The following NFIA variants were observed in gnomAD, a reference collection of about 807,000 sequenced individuals.
NFIA encodes nuclear factor I A.
In NFIA, 8 loss-of-function variants were observed where a neutral mutation model predicts 62.8. The ratio of observed to expected loss-of-function variants is 0.13; its 90% CI spans 0.07 to 0.23. The LOEUF (loss-of-function observed/expected upper bound fraction) is 0.23, where lower values mean the gene tolerates loss of function less well. NFIA is among the 10% of genes least tolerant of loss of function. The probability of loss-of-function intolerance (pLI) is 1.00; values close to 1 mark genes in which losing one functional copy is unlikely to be tolerated. For missense variants in NFIA, 410 were observed against 642.1 expected, an observed-to-expected ratio of 0.64 and a Z score of 3.91; for synonymous variants, 235 against 238.1, an observed-to-expected ratio of 0.99 and a Z score of 0.12.
intron 2 of NFIA, among the ~76,000 whole-genome samples, chr1:61,241,251 A>G (rs1655331654): frequency 6.6e-6 from 1 of 152,012 alleles, no homozygotes. Flanking sequence ...TTCTTTCCTT[A>G]TACCTTCCAC....
chr1:61,327,224 T>C (rs1660993856), intron 3 of NFIA, among the ~76,000 whole-genome samples: 2 of 151,098 alleles, frequency 1.3e-5, no homozygotes, highest in South Asian at 4.2e-4. Flanking sequence ...GTCAAAGTTT[T>C]ACAGTATATA....
chr1:61,167,170 T>G (rs1356231435), intron 2 of NFIA, among the ~76,000 whole-genome samples: 1 of 152,132 alleles, frequency 6.6e-6, no homozygotes, highest in African/African-American at 2.4e-5. Context: ...TATTTTCCCA[T>G]AAGACATTTC....
intron 2 of NFIA, among the ~76,000 whole-genome samples, chr1:61,214,312 C>T (rs1210299768): frequency 6.7e-6 from 1 of 148,644 alleles, no homozygotes; most frequent in Non-Finnish European, 1.5e-5. Context: ...AGTGGAGCTC[C>T]AGCCTCAGTC....
In NFIA at chr1:61,366,249, C is replaced by G. The variant is rs1054731017; in HGVS notation, c.946+6975C>G. Among the ~76,000 whole-genome samples the G allele has an allele frequency of 2.6e-5, 4 of 152,078 alleles. No individual in the cohort carries two copies. In the East Asian group the frequency reaches 7.7e-4, roughly 29 times the overall value. ...ACCACTTTCAGATTTGAGACCGCAT[C>G]TGCATTAAGTACAGACATATCAGTA... On this transcript the variant is annotated intron_variant, in intron 6 of 10. Coordinates refer to ENST00000403491, the MANE Select transcript of NFIA (RefSeq NM_001134673.4).
chr1:61,216,960 A>G (rs1396953894), intron 2 of NFIA, among the ~76,000 whole-genome samples: 1 of 151,762 alleles, frequency 6.6e-6, no homozygotes, highest in Non-Finnish European at 1.5e-5. Flanking sequence ...AGATCACGCC[A>G]TTGCACTCCA....
upstream of NFIA, among the ~76,000 whole-genome samples, chr1:61,081,205 GT>G: frequency 6.6e-6 from 1 of 152,000 alleles, no homozygotes; most frequent in Middle Eastern, 3.4e-3. Flanking sequence ...GAAGAGGCAG[GT>G]AGGCTTTCCC....
chr1:61,315,725 T>C (rs1029012332), intron 3 of NFIA, among the ~76,000 whole-genome samples: 8 of 152,204 alleles, frequency 5.3e-5, no homozygotes, highest in African/African-American at 1.9e-4. Flanking sequence ...TGTTGTTGCT[T>C]AATTTTGTTT....
intron 7 of NFIA, among the ~76,000 whole-genome samples, chr1:61,387,204 G>A (rs1282045433): frequency 6.6e-6 from 1 of 151,964 alleles, no homozygotes; most frequent in Non-Finnish European, 1.5e-5. Flanking sequence ...TCCACTACTT[G>A]GCACATTGCT....
intron 2 of NFIA, among the ~76,000 whole-genome samples, chr1:61,205,213 C>T (rs1336167592): frequency 1.3e-5 from 2 of 152,098 alleles, no homozygotes; most frequent in East Asian, 1.9e-4. Flanking sequence ...CGTTTTGAAC[C>T]GAGGTTGTCT....
At chr1:61,406,888 A>G (rs1046397144) in intron 9 of NFIA, among the ~76,000 whole-genome samples, 161 bp downstream of exon 9, 1 of 151,942 alleles carries the variant, frequency 6.6e-6, no homozygotes, top group Non-Finnish European at 1.5e-5. Context: ...AGTGAACATG[A>G]CTCTTGGGTA....
intron 6 of NFIA, among the ~76,000 whole-genome samples, chr1:61,382,626 A>G (rs755692221): frequency 8.5e-5 from 13 of 152,152 alleles, no homozygotes; most frequent in Non-Finnish European, 1.8e-4. Flanking sequence ...TTGCCACATC[A>G]TTACTCTTTT....
intron 7 of NFIA, among the ~76,000 whole-genome samples, chr1:61,398,882 A>G (rs563718589): frequency 2.8e-4 from 42 of 152,328 alleles, no homozygotes; most frequent in Non-Finnish European, 5.4e-4. Context: ...ATGGTGTTAT[A>G]TAGTGTGGTT....
intron 7 of NFIA, among the ~76,000 whole-genome samples, chr1:61,387,446 C>A: frequency 6.7e-6 from 1 of 150,106 alleles, no homozygotes; most frequent in Middle Eastern, 3.5e-3. Context: ...CTGCCCATCC[C>A]CCAGATCAGC....
chr1:61,352,687 G>T, intron 5 of NFIA, 120 bp downstream of exon 5: 1 of 840,122 alleles, frequency 1.2e-6, no homozygotes. Flanking sequence ...ACAAAGTAGT[G>T]GGTTCAGCCC....
intron 2 of NFIA, among the ~76,000 whole-genome samples, chr1:61,266,599 T>A (rs193024726): frequency 2.1e-3 from 319 of 152,182 alleles, no homozygotes; most frequent in Non-Finnish European, 2.6e-3. Flanking sequence ...GGTTTCTCCA[T>A]ATTGGCCAGG....
chr1:61,321,571 C>CCAG (rs1660681013), intron 3 of NFIA, among the ~76,000 whole-genome samples: 1 of 151,856 alleles, frequency 6.6e-6, no homozygotes, highest in South Asian at 2.1e-4. Context: ...TCTGCCTATA[C>CCAG]CAGAGGACAA....
At position 61,358,379 on chromosome 1, in the gene NFIA, C is replaced by CTTTCTTT. The variant is rs71582639; in HGVS notation, c.819-765_819-764insCTTTTTT. On this transcript the variant is annotated intron_variant, in intron 5 of 10. Coordinates refer to ENST00000403491, the MANE Select transcript of NFIA (RefSeq NM_001134673.4). ...TCATTTTCTTTTCTTTTCTTTCTTT[C>CTTTCTTT]TTTTTTTTTTTTTTTTTTTTTTTTT... is the stretch of plus-strand genomic sequence containing the variant. Among the ~76,000 whole-genome samples the CTTTCTTT allele has an allele frequency of 3.9e-3, 207 of 52,652 alleles. 10 individuals are homozygous for CTTTCTTT. Among genetic ancestry groups the CTTTCTTT allele is most frequent in the African/African-American group, 7.3e-3 (86 of 11,842 alleles). 34.5% of individuals were successfully genotyped at this position (52,652 alleles called of 152,430 possible). A position where few individuals can be genotyped will look rare whatever the true frequency, so the allele number is the denominator to read the frequency against.
intron 6 of NFIA, among the ~76,000 whole-genome samples, chr1:61,380,200 T>C (rs1664348575): frequency 6.6e-6 from 1 of 152,186 alleles, no homozygotes. Flanking sequence ...AAATGCCCCA[T>C]TGAAACAAAA....
intron 2 of NFIA, among the ~76,000 whole-genome samples, chr1:61,144,313 G>A (rs1647767955): frequency 1.3e-5 from 2 of 152,208 alleles, no homozygotes; most frequent in South Asian, 2.1e-4. Flanking sequence ...ATGTGAAAGT[G>A]TGAGAACCAG....
Sources: allele counts gnomAD v4.1 joint callset (sites outside exome capture counted in the v4.1 genomes callset), GRCh38; gene constraint gnomAD v4.1.1; transcripts MANE v1.5; gene names NCBI Gene and HGNC (gene_info 2026-07-23, HGNC 2026-07-21).